The following CACNA2D3 variants were observed in gnomAD, a reference collection of about 807,000 sequenced individuals.
The protein encoded by CACNA2D3 is voltage-dependent calcium channel subunit alpha-2/delta-3.
CACNA2D3 carries 60 observed loss-of-function variants against 160.6 expected under a neutral mutation model. The observed-to-expected ratio is 0.37, with a 90% CI of 0.30 to 0.46. CACNA2D3 has a LOEUF of 0.46. CACNA2D3 is among the 20% of genes least tolerant of loss of function. CACNA2D3 has a pLI of 1.00. For missense variants in CACNA2D3, 1,205 were observed against 1,365.0 expected, an observed-to-expected ratio of 0.88 and a Z score of 1.85; for synonymous variants, 558 against 492.9, an observed-to-expected ratio of 1.13 and a Z score of -1.75.
At chr3:54,540,916 T>A (rs1326091445) in intron 5 of CACNA2D3, among the ~76,000 whole-genome samples, 1 of 152,042 alleles carries the variant, frequency 6.6e-6, no homozygotes, top group African/African-American at 2.4e-5. Context: ...ATGTAACTAG[T>A]TAAGGATCTT....
chr3:54,317,770 C>G (rs1355614424), intron 2 of CACNA2D3, among the ~76,000 whole-genome samples: 1 of 152,128 alleles, frequency 6.6e-6, no homozygotes, highest in Non-Finnish European at 1.5e-5. Context: ...AACTCCTGAC[C>G]TCAGGTGATC....
chr3:54,320,199 G>A (rs1006827908), intron 2 of CACNA2D3, among the ~76,000 whole-genome samples: 4 of 152,190 alleles, frequency 2.6e-5, no homozygotes, highest in Non-Finnish European at 5.9e-5. Context: ...CGTTTAATTG[G>A]GTTAAGATAT....
chr3:54,943,655 T>C (rs1303872961), intron 27 of CACNA2D3, among the ~76,000 whole-genome samples: 1 of 152,194 alleles, frequency 6.6e-6, no homozygotes, highest in African/African-American at 2.4e-5. Context: ...TTTTCCCCCA[T>C]GTGTTTCATC....
intron 2 of CACNA2D3, among the ~76,000 whole-genome samples, chr3:54,217,625 C>T (rs1344115943): frequency 1.3e-5 from 2 of 151,878 alleles, no homozygotes; most frequent in African/African-American, 2.4e-5. Flanking sequence ...GAGATCAGAG[C>T]GAAGTGACTC....
chr3:54,581,572 C>G (rs1310276760), intron 8 of CACNA2D3, among the ~76,000 whole-genome samples: 1 of 152,166 alleles, frequency 6.6e-6, no homozygotes, highest in Non-Finnish European at 1.5e-5. Flanking sequence ...CTGCCAGCTA[C>G]CAGCACATGC....
rs34119989 is a variant in CACNA2D3 at position 54,796,814 on chromosome 3, C to T, written c.1381-20039C>T. Among the ~76,000 whole-genome samples, 792 of 152,194 alleles carry T rather than the reference C, an allele frequency of 5.2e-3. 1 individual carries two copies. Among genetic ancestry groups the T allele is most frequent in the Non-Finnish European group, 9.2e-3 (626 of 68,022 alleles). Reference sequence around the variant, plus strand: ...CTTACTTTTATTTAATAGCTTATTACGTTTTTCATAGGAGTAAGGAAATGG... The same window carrying T: ...CTTACTTTTATTTAATAGCTTATTATGTTTTTCATAGGAGTAAGGAAATGG... On this transcript the variant is annotated intron_variant, in intron 13 of 37. Transcript: ENST00000474759.
chr3:54,999,473 G>C (rs886952246), intron 31 of CACNA2D3, among the ~76,000 whole-genome samples: 3 of 152,132 alleles, frequency 2.0e-5, no homozygotes, highest in Non-Finnish European at 4.4e-5. Context: ...TTGCTTCTCA[G>C]ACTTTTCAAT....
chr3:54,940,470 G>T (rs1346236611), intron 27 of CACNA2D3, among the ~76,000 whole-genome samples: 1 of 152,104 alleles, frequency 6.6e-6, no homozygotes, highest in East Asian at 1.9e-4. Flanking sequence ...CAACATTTCA[G>T]ACACAGACAG....
At chr3:54,991,772 G>A (rs571213531) in intron 31 of CACNA2D3, among the ~76,000 whole-genome samples, 1 of 152,210 alleles carries the variant, frequency 6.6e-6, no homozygotes, top group African/African-American at 2.4e-5. Flanking sequence ...CAGCCTCTCT[G>A]AGCCTGTTTC....
intron 3 of CACNA2D3, among the ~76,000 whole-genome samples, chr3:54,326,092 T>A (rs1269757315): frequency 2.0e-5 from 3 of 152,176 alleles, no homozygotes; most frequent in Non-Finnish European, 2.9e-5. Context: ...GTAATTCAAT[T>A]TCAGTGCATT....
At chr3:54,999,125 C>A (rs986520464) in intron 31 of CACNA2D3, among the ~76,000 whole-genome samples, 1 of 152,154 alleles carries the variant, frequency 6.6e-6, no homozygotes, top group African/African-American at 2.4e-5. Context: ...ACTGCCTCTG[C>A]TGTGTTAGAG....
chr3:54,687,189 G>A (rs1232985590), intron 11 of CACNA2D3, among the ~76,000 whole-genome samples: 2 of 137,792 alleles, frequency 1.5e-5, no homozygotes, highest in African/African-American at 5.4e-5. Context: ...CACCCAGGCT[G>A]GAGTGCAATG....
At chr3:55,000,853 C>T (rs1446946948) in intron 31 of CACNA2D3, among the ~76,000 whole-genome samples, 2 of 152,096 alleles carry the variant, frequency 1.3e-5, no homozygotes, top group Non-Finnish European at 2.9e-5. Flanking sequence ...CAATAAGACC[C>T]TGGGCTGGGG....
chr3:54,380,244 G>A (rs536017523), intron 3 of CACNA2D3, among the ~76,000 whole-genome samples: 13 of 152,246 alleles, frequency 8.5e-5, no homozygotes, highest in Middle Eastern at 6.8e-3. Flanking sequence ...CCTTAATGAG[G>A]GTAGAGATTT....
At chr3:54,738,869 G>A (rs1488149545) in intron 11 of CACNA2D3, among the ~76,000 whole-genome samples, 1 of 152,086 alleles carries the variant, frequency 6.6e-6, no homozygotes, top group Non-Finnish European at 1.5e-5. Context: ...GTAAGACTTG[G>A]GGCTGGGCAT....
chr3:54,611,904 T>C (rs1393480277), intron 9 of CACNA2D3, among the ~76,000 whole-genome samples: 1 of 152,246 alleles, frequency 6.6e-6, no homozygotes, highest in Non-Finnish European at 1.5e-5. Context: ...GATGTTTGTT[T>C]TATCTTTCGA....
rs1703754105 is a variant in CACNA2D3 at position 55,033,864 on chromosome 3, A to ATATGTATTATATATTAAATATATTTT, written c.2987+15550_2987+15551insGTATTATATATTAAATATATTTTTAT. 2.2e-5 allele frequency among the ~76,000 whole-genome samples: 2 copies of ATATGTATTATATATTAAATATATTTT among 91,604 alleles called. 1 individual carries two copies. The highest frequency in any genetic ancestry group is 4.2e-5 in the Non-Finnish European group (2 of 47,210). 60.1% of individuals were successfully genotyped at this position (91,604 alleles called of 152,430 possible). On this transcript the variant is annotated intron_variant, in intron 35 of 37. Transcript: ENST00000474759. ...ATATATTACATATTAAATATATTTAATATATAATATATATTACATATTAAG... is the reference window on the plus strand; with the variant it reads ...ATATATTACATATTAAATATATTTAATATGTATTATATATTAAATATATTTTTATATAATATATATTACATATTAAG...
At chr3:54,674,537 G>T (rs1214001639) in intron 11 of CACNA2D3, among the ~76,000 whole-genome samples, 1 of 152,170 alleles carries the variant, frequency 6.6e-6, no homozygotes, top group Non-Finnish European at 1.5e-5. Context: ...GGCCAACAGG[G>T]TTGTGTGTTT....
At chr3:54,575,702 G>A (rs772791389) in intron 8 of CACNA2D3, among the ~76,000 whole-genome samples, 3 of 152,182 alleles carry the variant, frequency 2.0e-5, no homozygotes, top group Non-Finnish European at 2.9e-5. Flanking sequence ...GCTGGGTCAT[G>A]TATCGCCTGG....
Sources: allele counts gnomAD v4.1 joint callset (sites outside exome capture counted in the v4.1 genomes callset), GRCh38; gene constraint gnomAD v4.1.1; transcripts MANE v1.5; gene names NCBI Gene and HGNC (gene_info 2026-07-23, HGNC 2026-07-21).